Variants in CDH12 observed in about 807,000 individuals in gnomAD.
CDH12 encodes cadherin 12.
CDH12 carries 41 observed loss-of-function variants against 74.1 expected under a neutral mutation model. The observed-to-expected ratio is 0.55, with a 90% confidence interval of 0.43 to 0.72. The LOEUF (loss-of-function observed/expected upper bound fraction) is 0.72, where lower values mean the gene tolerates loss of function less well. CDH12 is among the 30% of genes least tolerant of loss of function. The pLI is 0.00. For missense variants in CDH12, 945 were observed against 977.2 expected, an observed-to-expected ratio of 0.97 and a Z score of 0.44; for synonymous variants, 399 against 355.0, an observed-to-expected ratio of 1.12 and a Z score of -1.39.
At chr5:22,839,590 A>G (rs575698501) in intron 1 of CDH12, among the ~76,000 whole-genome samples, 1 of 152,116 alleles carries the variant, frequency 6.6e-6, no homozygotes, top group African/African-American at 2.4e-5. Context: ...CGCCTGACAC[A>G]TGTGTTCCTC....
intron 1 of CDH12, among the ~76,000 whole-genome samples, chr5:22,516,671 GGC>G (rs1561461700): frequency 6.6e-6 from 1 of 151,878 alleles, no homozygotes; most frequent in East Asian, 1.9e-4. Flanking sequence ...GATGCATGCC[GGC>G]AGCCCCAGCT....
chr5:22,255,102 T>C (rs7714242), intron 3 of CDH12, among the ~76,000 whole-genome samples: 130,546 of 151,824 alleles, frequency 0.86, 58,024 homozygotes, highest in East Asian at 0.98. Context: ...AGTTCAATTT[T>C]TTTGTTAGCT....
At chr5:21,931,091 C>G (rs554928674) in intron 6 of CDH12, among the ~76,000 whole-genome samples, 3 of 152,268 alleles carry the variant, frequency 2.0e-5, no homozygotes, top group African/African-American at 7.2e-5. Flanking sequence ...TAACTTTTAG[C>G]TGGATCATTC....
chr5:22,170,173 G>A (rs1704190342), intron 4 of CDH12, among the ~76,000 whole-genome samples: 3 of 151,970 alleles, frequency 2.0e-5, no homozygotes, highest in African/African-American at 7.2e-5. Flanking sequence ...TGGGGCTGTG[G>A]AGGGGGAACG....
intron 1 of CDH12, among the ~76,000 whole-genome samples, chr5:22,672,898 G>T (rs1740978806): frequency 6.6e-6 from 1 of 152,090 alleles, no homozygotes; most frequent in South Asian, 2.1e-4. Context: ...AGTTATTTAA[G>T]TGTTCAAATA....
intron 4 of CDH12, among the ~76,000 whole-genome samples, chr5:22,092,367 C>T (rs1385832840): frequency 6.6e-6 from 1 of 152,130 alleles, no homozygotes; most frequent in Non-Finnish European, 1.5e-5. Flanking sequence ...AAATTATTCA[C>T]TTGACAAGAG....
chr5:22,637,544 A>C (rs1166177116), intron 1 of CDH12, among the ~76,000 whole-genome samples: 1 of 152,258 alleles, frequency 6.6e-6, no homozygotes, highest in Non-Finnish European at 1.5e-5. Context: ...TTTCACAGGC[A>C]GGGAATAAAA....
At chr5:22,827,458 C>A (rs923589768) in intron 1 of CDH12, among the ~76,000 whole-genome samples, 1 of 152,104 alleles carries the variant, frequency 6.6e-6, no homozygotes, top group African/African-American at 2.4e-5. Context: ...CATGGAGAAC[C>A]TCTGCTAGGG....
intron 11 of CDH12, among the ~76,000 whole-genome samples, chr5:21,777,050 AGT>A (rs1271682387): frequency 6.6e-6 from 1 of 152,202 alleles, no homozygotes; most frequent in Non-Finnish European, 1.5e-5. Context: ...ATATCAACTA[AGT>A]GTGCTATTAT....
chr5:21,780,630 G>A (rs1486023692), intron 11 of CDH12, among the ~76,000 whole-genome samples: 2 of 152,126 alleles, frequency 1.3e-5, no homozygotes, highest in African/African-American at 4.8e-5. Flanking sequence ...TTTTATTATG[G>A]ACAACATGTT....
chr5:22,315,744 A>G (rs1561306697), intron 3 of CDH12, among the ~76,000 whole-genome samples: 1 of 152,154 alleles, frequency 6.6e-6, no homozygotes, highest in Non-Finnish European at 1.5e-5. Flanking sequence ...CAACTTGGAA[A>G]TATATTATGG....
chr5:22,342,169 A>G (rs1739881701), intron 3 of CDH12, among the ~76,000 whole-genome samples: 1 of 152,050 alleles, frequency 6.6e-6, no homozygotes, highest in Admixed American at 6.6e-5. Flanking sequence ...TACTAATATA[A>G]CCTTCAATAT....
rs562035983 is a variant in CDH12 at position 21,867,427 on chromosome 5, C to A, written c.527-12637G>T. On this transcript the variant is annotated intron_variant, in intron 6 of 14. Coordinates refer to ENST00000382254, the MANE Select transcript of CDH12 (RefSeq NM_004061.5). Reference sequence around the variant, plus strand: ...AGATTTCAGAAAATGTATGGAAATGCCTGGATGTCTAGCCAGGGCGGGGCT... The same window carrying A: ...AGATTTCAGAAAATGTATGGAAATGACTGGATGTCTAGCCAGGGCGGGGCT... Among the ~76,000 whole-genome samples the A allele has an allele frequency of 3.6e-4, 55 of 152,202 alleles. 1 individual carries two copies. The highest frequency in any genetic ancestry group is 1.3e-3 in the African/African-American group (52 of 41,542).
At chr5:22,093,019 C>T (rs6869626) in intron 4 of CDH12, among the ~76,000 whole-genome samples, 289 of 152,158 alleles carry the variant, frequency 1.9e-3, no homozygotes, top group African/African-American at 6.7e-3. Flanking sequence ...GAGTGCACAT[C>T]CCTTGCAGCA....
intron 6 of CDH12, among the ~76,000 whole-genome samples, chr5:21,923,147 A>G (rs1450623657): frequency 6.6e-6 from 1 of 152,140 alleles, no homozygotes; most frequent in African/African-American, 2.4e-5. Flanking sequence ...TATCTATACT[A>G]TAATGGTGGT....
At chr5:21,923,767 T>C (rs998736883) in intron 6 of CDH12, among the ~76,000 whole-genome samples, 2 of 152,218 alleles carry the variant, frequency 1.3e-5, no homozygotes, top group Middle Eastern at 3.2e-3. Flanking sequence ...CTTGGTATAA[T>C]TTTTAACCAT....
rs114231361 is a variant in CDH12 at position 22,503,501 on chromosome 5, C to A, written c.-428+1769G>T. 8.1e-3 allele frequency among the ~76,000 whole-genome samples: 1,232 copies of A among 152,028 alleles called. 16 individuals carry two copies. The highest frequency in any genetic ancestry group is 0.029 in the African/African-American group (1,191 of 41,516). On this transcript the variant is annotated intron_variant, in intron 2 of 14. Transcript: ENST00000382254. The stretch of plus-strand genomic sequence containing the variant: ...GTTATAGCATTCCACTGAGATTATT[C>A]TCAGCTGTATTTGCTTATGTGGCAT...
intron 1 of CDH12, among the ~76,000 whole-genome samples, chr5:22,574,073 CTTTTTT>C (rs543910610): frequency 1.1e-5 from 1 of 87,440 alleles, no homozygotes; most frequent in African/African-American, 4.6e-5. Flanking sequence ...GTCTCTCTCT[CTTTTTT>C]TTTTTTTTTT....
intron 3 of CDH12, among the ~76,000 whole-genome samples, chr5:22,283,245 T>TATATATATATATAG (rs1561281691): frequency 6.9e-4 from 79 of 115,138 alleles, no homozygotes; most frequent in African/African-American, 2.6e-3. Context: ...TATATATATA[T>TATATATATATATAG]ATATATACAC....
Sources: allele counts gnomAD v4.1 joint callset (sites outside exome capture counted in the v4.1 genomes callset), GRCh38; gene constraint gnomAD v4.1.1; transcripts MANE v1.5; gene names NCBI Gene and HGNC (gene_info 2026-07-23, HGNC 2026-07-21).